Variants in HHAT observed in about 807,000 individuals in gnomAD.
The protein encoded by HHAT is hedgehog acyltransferase.
A neutral mutation model predicts 70.8 loss-of-function variants in HHAT; 47 were observed. That is an observed-to-expected ratio of 0.66 (90% CI 0.53 to 0.85). The LOEUF is 0.85. Among genes scored for constraint, HHAT ranks in the 40% least tolerant of loss-of-function variants. HHAT has a pLI of 0.00. For missense variants in HHAT, 609 were observed against 604.8 expected, an observed-to-expected ratio of 1.01 and a Z score of -0.07; for synonymous variants, 228 against 247.6, an observed-to-expected ratio of 0.92 and a Z score of 0.74.
chr1:210,593,794 ATC>A (rs531939448), intron 10 of HHAT, among the ~76,000 whole-genome samples: 36 of 152,110 alleles, frequency 2.4e-4, no homozygotes, highest in Admixed American at 9.2e-4. Flanking sequence ...TTATTGGGGT[ATC>A]TCTCTTTAGC....
At chr1:210,530,648 G>A (rs539668649) in intron 9 of HHAT, among the ~76,000 whole-genome samples, 3 of 152,236 alleles carry the variant, frequency 2.0e-5, no homozygotes, top group South Asian at 2.1e-4. Flanking sequence ...GACTTTGCAC[G>A]GACTTGAGTG....
chr1:210,569,448 G>T (rs1287536484), intron 9 of HHAT, among the ~76,000 whole-genome samples: 1 of 146,158 alleles, frequency 6.8e-6, no homozygotes, highest in Non-Finnish European at 1.5e-5. Flanking sequence ...ATTGAGAAAG[G>T]CTCATTTCAT....
chr1:210,595,601 A>G (rs1242223584), intron 10 of HHAT, among the ~76,000 whole-genome samples: 1 of 152,068 alleles, frequency 6.6e-6, no homozygotes, highest in Non-Finnish European at 1.5e-5. Context: ...AAGTGTTCCT[A>G]TTTCTCCACA....
intron 6 of HHAT, among the ~76,000 whole-genome samples, chr1:210,415,954 C>T (rs1265452213): frequency 2.6e-5 from 4 of 151,924 alleles, no homozygotes; most frequent in South Asian, 2.1e-4. Flanking sequence ...CCACCGTCCT[C>T]GGCCTAATTT....
At chr1:210,360,329 A>G (rs1408841750) in intron 2 of HHAT, among the ~76,000 whole-genome samples, 2 of 132,964 alleles carry the variant, frequency 1.5e-5, no homozygotes, top group Non-Finnish European at 3.2e-5. Flanking sequence ...TTTTGTTTTG[A>G]TATGAAGTTT....
At chr1:210,449,481 G>T (rs539104966) in intron 7 of HHAT, among the ~76,000 whole-genome samples, 1 of 152,168 alleles carries the variant, frequency 6.6e-6, no homozygotes, top group African/African-American at 2.4e-5. Context: ...GCGCTGGGAT[G>T]GTTCATTTCT....
intron 1 of HHAT, among the ~76,000 whole-genome samples, chr1:210,340,587 C>G (rs528911560): frequency 6.6e-6 from 1 of 152,302 alleles, no homozygotes; most frequent in South Asian, 2.1e-4. Context: ...TAACTGCTGA[C>G]TTTCCCCTCT....
At chr1:210,546,376 G>C (rs143286204) in intron 9 of HHAT, among the ~76,000 whole-genome samples, 1 of 152,352 alleles carries the variant, frequency 6.6e-6, no homozygotes, top group Non-Finnish European at 1.5e-5. Flanking sequence ...TGATCCAGGG[G>C]CTGGACTTGA....
At chr1:210,338,982 T>C (rs766176) in intron 1 of HHAT, among the ~76,000 whole-genome samples, 35,955 of 152,040 alleles carry the variant, frequency 0.24, 4,814 homozygotes, top group South Asian at 0.31. Flanking sequence ...TGTTTGGAGC[T>C]GCAATGAGCT....
In HHAT at chr1:210,562,729, C is replaced by T. The variant is rs12728554; in HGVS notation, c.1044-25169C>T. Among the ~76,000 whole-genome samples the T allele has an allele frequency of 5.9e-5, 9 of 151,582 alleles. 1 individual carries two copies. The highest frequency in any genetic ancestry group is 9.7e-5 in the African/African-American group (4 of 41,276). On this transcript the variant is annotated intron_variant, in intron 9 of 11. Transcript: ENST00000261458. ...TGCAGGTTAGTTACATATGTATACA[C>T]GTGCCATGTTGGTGTGCTACATCCA... is the stretch of plus-strand genomic sequence containing the variant.
intron 4 of HHAT, 41 bp downstream of exon 4, chr1:210,387,622 C>T: frequency 1.3e-6 from 2 of 1,495,316 alleles, no homozygotes; most frequent in Non-Finnish European, 1.9e-6. Context: ...TGTGTTTTTC[C>T]TTTGCTTCTT....
intron 10 of HHAT, among the ~76,000 whole-genome samples, chr1:210,607,163 G>A (rs1230600798): frequency 1.3e-5 from 2 of 151,648 alleles, no homozygotes; most frequent in African/African-American, 2.4e-5. Flanking sequence ...CTATGCCTGG[G>A]CCTTATGGTT....
In HHAT at chr1:210,674,235, G is replaced by A. The variant is rs573251471; in HGVS notation, c.1391-53G>A. 34 of 1,462,702 alleles carry A rather than the reference G, an allele frequency of 2.3e-5. No individual in the cohort carries two copies. The East Asian group carries it at 7.7e-4, about 33-fold the overall frequency. The allele number at this position is 1,462,702 out of a possible 1,614,324, so 90.6% of individuals were successfully genotyped here. ...AGGGGACAGTTTGCCCATGTGGGAT[G>A]TCCTGCCCCAAGCATTTCTAACTGC... is the stretch of plus-strand genomic sequence containing the variant. On this transcript the variant is annotated intron_variant, in intron 11 of 11. Transcript: ENST00000261458.
intron 7 of HHAT, among the ~76,000 whole-genome samples, chr1:210,425,292 T>C (rs531709171): frequency 3.9e-5 from 6 of 152,226 alleles, no homozygotes; most frequent in East Asian, 3.8e-4. Context: ...TCCCATTTTG[T>C]AGGTTGTCTG....
At chr1:210,537,042 G>C (rs79692502) in intron 9 of HHAT, among the ~76,000 whole-genome samples, 1 of 151,812 alleles carries the variant, frequency 6.6e-6, no homozygotes, top group Non-Finnish European at 1.5e-5. Flanking sequence ...AAAAAAAAAG[G>C]TGGCTATAGG....
chr1:210,605,548 T>A (rs1040888461), intron 10 of HHAT, among the ~76,000 whole-genome samples: 2 of 152,190 alleles, frequency 1.3e-5, no homozygotes, highest in Non-Finnish European at 2.9e-5. Flanking sequence ...AAAAAGGGAA[T>A]GTTCACAGAA....
intron 10 of HHAT, among the ~76,000 whole-genome samples, chr1:210,592,943 A>G (rs1161634554): frequency 6.6e-6 from 1 of 150,378 alleles, no homozygotes; most frequent in African/African-American, 2.4e-5. Flanking sequence ...GGTTTGTTAC[A>G]TATGTATACA....
At chr1:210,365,647 G>A (rs543414538) in intron 3 of HHAT, among the ~76,000 whole-genome samples, 5 of 142,842 alleles carry the variant, frequency 3.5e-5, no homozygotes, top group South Asian at 2.2e-4. Flanking sequence ...ATAGGGTCTC[G>A]CTCTGTAACC....
At chr1:210,589,645 T>C (rs1661228383) in intron 10 of HHAT, 1 of 152,272 alleles carries the variant, frequency 6.6e-6, no homozygotes. Flanking sequence ...CAGTGCTCTG[T>C]GGCCTTTGAG....
Sources: gnomAD v4.1 joint callset for allele counts (sites outside exome capture counted in the v4.1 genomes callset) on GRCh38, gnomAD v4.1.1 for gene constraint, MANE v1.5 for transcripts, NCBI Gene and HGNC (gene_info 2026-07-23, HGNC 2026-07-21) for gene names.